TOP2B: variants seen among roughly 807,000 people sequenced by gnomAD.
TOP2B encodes DNA topoisomerase 2-beta.
In TOP2B, 51 loss-of-function variants were observed where a neutral mutation model predicts 193.5. The observed-to-expected ratio is 0.26, with a 90% confidence interval of 0.21 to 0.33. TOP2B has a LOEUF of 0.33. TOP2B is among the 10% of genes least tolerant of loss of function. The pLI is 1.00. For missense variants in TOP2B, 1,378 were observed against 1,909.3 expected, an observed-to-expected ratio of 0.72 and a Z score of 5.19; for synonymous variants, 634 against 635.7, an observed-to-expected ratio of 1.00 and a Z score of 0.04.
intron 22 of TOP2B, among the ~76,000 whole-genome samples, chr3:25,620,272 C>G (rs1368457274): frequency 1.3e-5 from 2 of 151,462 alleles, no homozygotes; most frequent in Non-Finnish European, 2.9e-5. Flanking sequence ...TGCTGACCCA[C>G]TCATACTCTA....
Position 25,607,175 on chromosome 3 carries a change from G to C in TOP2B, c.4294C>G (p.Pro1432Ala). ...TFSPGKSKAT[P>A]EKSLHDKKSQ... ...TCACTAAATAGCATTACTTACTCTG[G>C]AGTGGCTTTTGATTTGCCTGGTGAA... The change falls in exon 31 of 36, where the codon CCA becomes GCA. Residue 1432 changes from proline to alanine, a missense_variant. Pro to Ala is a conservative substitution (Grantham distance 27). This residue lies in a region of TOP2B where 556 missense variants were observed against 584.2 expected (regional missense o/e 0.95). Transcript: ENST00000264331. 1 of 1,612,904 alleles carries C rather than the reference G, an allele frequency of 6.2e-7. No homozygotes were observed. The highest frequency in any genetic ancestry group is 8.5e-7 in the Non-Finnish European group (1 of 1,179,420).
chr3:25,620,877 T>C lies in TOP2B; in HGVS notation c.2728-61A>G, dbSNP rs1168284496. The C allele has an allele frequency of 5.8e-6, 9 of 1,542,416 alleles. No homozygotes were observed. The Admixed American group carries it at 9.5e-5, about 16-fold the overall frequency. Reference sequence around the variant, plus strand: ...CTTGAGTACCAGTACCATGAGTCTATGGTCTAACATTGACAGATTAACACA... The same window carrying C: ...CTTGAGTACCAGTACCATGAGTCTACGGTCTAACATTGACAGATTAACACA... On this transcript the variant is annotated intron_variant, in intron 21 of 35. Coordinates refer to ENST00000264331, the MANE Select transcript of TOP2B (RefSeq NM_001330700.2).
chr3:25,630,380 G>A lies in TOP2B; in HGVS notation c.1495C>T (p.Arg499Ter), dbSNP rs1702923250. ...LAVSGLGVIGRDRYGVFPLRG... is the reference protein window; with the variant it reads ...LAVSGLGVIG ...AGTGGAAAAACTCCGTATCTGTCTC[G>A]TCCAATCACACCTAATCCAGACACA... The change falls in exon 12 of 36, where the codon CGA becomes TGA. Residue 499 changes from arginine (R) to a stop codon, truncating the protein, a stop_gained. Transcript: ENST00000264331. LOFTEE classifies it high-confidence loss of function. 1 of 1,551,484 alleles carries A rather than the reference G, an allele frequency of 6.4e-7. No homozygotes were observed. The highest frequency in any genetic ancestry group is 8.7e-7 in the Non-Finnish European group (1 of 1,146,818).
rs748961968 is a variant in TOP2B, at chr3:25,598,303, G to T, written c.*4C>A. ...GTTGAAAAATGTTTGTGCTCTTTGGGCACTTAATTAAACATTGCAAAATCA... is the reference window on the plus strand; with the variant it reads ...GTTGAAAAATGTTTGTGCTCTTTGGTCACTTAATTAAACATTGCAAAATCA... On this transcript the variant is annotated 3_prime_UTR_variant, in exon 36 of 36. Transcript: ENST00000264331. The T allele has an allele frequency of 2.7e-5, 44 of 1,600,164 alleles. No individual in the cohort carries two copies. The highest frequency in any genetic ancestry group is 3.6e-5 in the Non-Finnish European group (42 of 1,171,582).
chr3:25,600,271 T>C (rs1245001575), intron 34 of TOP2B, among the ~76,000 whole-genome samples: 1 of 152,198 alleles, frequency 6.6e-6, no homozygotes, highest in Non-Finnish European at 1.5e-5. Flanking sequence ...AATAGCAATT[T>C]TATATCTTTA....
chr3:25,654,284 C>T (rs970220711), intron 1 of TOP2B, among the ~76,000 whole-genome samples: 1 of 152,054 alleles, frequency 6.6e-6, no homozygotes, highest in Admixed American at 6.5e-5. Context: ...TGTTTTCATG[C>T]AGTAACCATG....
chr3:25,637,263 C>G lies in TOP2B; in HGVS notation c.591G>C (p.Lys197Asn). 1 of 1,561,128 alleles carries G rather than the reference C, an allele frequency of 6.4e-7. No individual in the cohort carries two copies. The highest frequency in any genetic ancestry group is 1.9e-5 in the Admixed American group (1 of 52,508). The change falls in exon 6 of 36, where the codon AAG becomes AAC. Residue 197 changes from lysine to asparagine, a missense_variant. Physicochemically the swap from Lys to Asn is moderately conservative, Grantham distance 94. Transcript: ENST00000264331. ...CTTTGCAAGCTGTTTCTACTGTAAA[C>G]TTTGTACTGAAAATATTACAAAGTT... ...GAKLCNIFST[K>N]FTVETACKEY...
chr3:25,651,998 A>G (rs1301489697), intron 1 of TOP2B, among the ~76,000 whole-genome samples: 1 of 152,220 alleles, frequency 6.6e-6, no homozygotes, highest in Non-Finnish European at 1.5e-5. Flanking sequence ...GCTACAAATA[A>G]AAGGATGGAA....
intron 28 of TOP2B, among the ~76,000 whole-genome samples, chr3:25,611,941 TATTTA>T (rs1466378722): frequency 6.6e-6 from 1 of 151,952 alleles, no homozygotes; most frequent in Non-Finnish European, 1.5e-5. Flanking sequence ...TTTTTATTTT[TATTTA>T]TTTATTTTTT....
At chr3:25,659,897 C>G (rs1251926843) in intron 1 of TOP2B, among the ~76,000 whole-genome samples, 1 of 152,138 alleles carries the variant, frequency 6.6e-6, no homozygotes, top group Non-Finnish European at 1.5e-5. Context: ...TAACCATGTG[C>G]CTAAGAATTT....
Position 25,598,349 on chromosome 3 carries a change from A to AGAC in TOP2B, c.4836_4838dup (p.Ser1613dup), listed in dbSNP as rs1701983211. 3.1e-6 allele frequency: 5 copies of AGAC among 1,612,712 alleles called. No homozygotes were observed. The highest frequency in any genetic ancestry group is 2.5e-6 in the Non-Finnish European group (3 of 1,179,228). On this transcript the variant is annotated inframe_insertion, in exon 36 of 36. Transcript: ENST00000264331. The stretch of plus-strand genomic sequence containing the variant: ...AATCAACATCATCTTCTTCTTCATC[A>AGAC]GACTCTGCAAAATATTTTACTTCTT...
chr3:25,632,737 C>G lies in TOP2B; in HGVS notation c.1084G>C (p.Val362Leu). 6.2e-7 allele frequency: 1 copy of G among 1,613,182 alleles called. No individual in the cohort carries two copies. The highest frequency in any genetic ancestry group is 1.1e-5 in the South Asian group (1 of 91,062). ...ACACCAGCTTTGTTCTTTTTCTTAACTACTTCAATCAGTTTACCAACAACT... is the reference window on the plus strand; with the variant it reads ...ACACCAGCTTTGTTCTTTTTCTTAAGTACTTCAATCAGTTTACCAACAACT... ...DQVVGKLIEV[V>L]KKKNKAGVSV... The change falls in exon 9 of 36, where the codon GTT (valine) becomes CTT (leucine). Residue 362 changes from valine (V) to leucine (L), a missense_variant. Physicochemically the swap from Val to Leu is conservative, Grantham distance 32. Transcript: ENST00000264331.
chr3:25,656,748 T>C (rs915356957), intron 1 of TOP2B, among the ~76,000 whole-genome samples: 7 of 152,162 alleles, frequency 4.6e-5, no homozygotes, highest in Admixed American at 1.3e-4. Flanking sequence ...ATGTGAAATA[T>C]GCCCAACAGA....
intron 23 of TOP2B, 92 bp from the exon 24 acceptor site, chr3:25,618,941 A>T: frequency 1.0e-6 from 1 of 972,506 alleles, no homozygotes; most frequent in Non-Finnish European, 1.5e-6. Flanking sequence ...TAACCATAAT[A>T]TATAACCATA....
At position 25,664,801 on chromosome 3, in the gene TOP2B, G is replaced by T; in HGVS notation, c.-504C>A. On this transcript the variant is annotated 5_prime_UTR_variant, in exon 1 of 36. Coordinates refer to ENST00000264331, the MANE Select transcript of TOP2B (RefSeq NM_001330700.2). ...CTTCAAAGGCAGCCTTAGCCTCGCT[G>T]CAGCCCCGATTTCCTCACACACACA... is the stretch of plus-strand genomic sequence containing the variant. 1.0e-6 allele frequency: 1 copy of T among 987,206 alleles called. No homozygotes were observed. The highest frequency in any genetic ancestry group is 1.2e-6 in the Non-Finnish European group (1 of 829,288). The allele number at this position is 987,206 out of a possible 1,614,324, so 61.2% of individuals were successfully genotyped here. A position where few individuals can be genotyped will look rare whatever the true frequency, so the allele number is the denominator to read the frequency against.
At chr3:25,621,417 C>A (rs567566193) in intron 21 of TOP2B, among the ~76,000 whole-genome samples, 29 of 152,128 alleles carry the variant, frequency 1.9e-4, no homozygotes, top group African/African-American at 6.5e-4. Flanking sequence ...GCTGGAGTGC[C>A]GTGGCACGAT....
chr3:25,605,591 A>C (rs964618735), intron 32 of TOP2B, among the ~76,000 whole-genome samples: 6 of 152,116 alleles, frequency 3.9e-5, no homozygotes, highest in Non-Finnish European at 8.8e-5. Context: ...AAAATACGAA[A>C]CAAGAAGTAT....
intron 31 of TOP2B, 38 bp downstream of exon 31, chr3:25,607,133 C>T (rs1190783474): frequency 1.9e-6 from 3 of 1,600,954 alleles, no homozygotes; most frequent in African/African-American, 2.7e-5. Flanking sequence ...ATGTTTACAA[C>T]AATTAACTAT....
intron 13 of TOP2B, among the ~76,000 whole-genome samples, chr3:25,629,681 T>A (rs1702903385): frequency 6.6e-6 from 1 of 152,174 alleles, no homozygotes; most frequent in Non-Finnish European, 1.5e-5. Flanking sequence ...CATTTTACTA[T>A]TTAAGTCCTG....
Sources: gnomAD v4.1 joint callset for allele counts (sites outside exome capture counted in the v4.1 genomes callset) on GRCh38, gnomAD v4.1.1 for gene constraint, gnomAD v4.1.1 regional missense constraint, MANE v1.5 for transcripts, NCBI Gene and HGNC (gene_info 2026-07-23, HGNC 2026-07-21) for gene names.